The following DCC variants were observed in gnomAD, a reference collection of about 807,000 sequenced individuals.
The protein encoded by DCC is DCC netrin 1 receptor, also known as netrin receptor DCC.
A neutral mutation model predicts 172.5 loss-of-function variants in DCC; 58 were observed. That is an observed-to-expected ratio of 0.34 (90% confidence interval 0.27 to 0.42). DCC has a LOEUF of 0.42. Ranked by LOEUF, DCC falls within the 10% of genes least tolerant of loss-of-function variation. The pLI is 1.00. For missense variants in DCC, 1,740 were observed against 1,791.0 expected, an observed-to-expected ratio of 0.97 and a Z score of 0.51; for synonymous variants, 709 against 644.5, an observed-to-expected ratio of 1.10 and a Z score of -1.52.
chr18:53,433,721 C>T (rs1911769220), intron 21 of DCC, among the ~76,000 whole-genome samples: 1 of 152,148 alleles, frequency 6.6e-6, no homozygotes. Context: ...TGTCAGCCCA[C>T]TAAAATTTTC....
chr18:53,514,545 C>T (rs2144556680), intron 27 of DCC, among the ~76,000 whole-genome samples: 1 of 152,072 alleles, frequency 6.6e-6, no homozygotes, highest in East Asian at 1.9e-4. Flanking sequence ...AATTGATAGA[C>T]CACTAGCATG....
At chr18:52,970,599 A>G (rs1390024612) in intron 5 of DCC, among the ~76,000 whole-genome samples, 1 of 152,192 alleles carries the variant, frequency 6.6e-6, no homozygotes, top group East Asian at 1.9e-4. Context: ...GACTACTCAA[A>G]GCATTGTTAT....
intron 15 of DCC, among the ~76,000 whole-genome samples, chr18:53,384,661 T>C (rs1464421338): frequency 2.0e-5 from 3 of 152,132 alleles, no homozygotes; most frequent in Non-Finnish European, 2.9e-5. Context: ...TTTATGTTAC[T>C]TTTTCATATC....
intron 1 of DCC, among the ~76,000 whole-genome samples, chr18:52,502,569 G>C (rs2031067153): frequency 6.6e-6 from 1 of 152,160 alleles, no homozygotes; most frequent in African/African-American, 2.4e-5. Context: ...TGAACATCTA[G>C]AATTGATCCT....
At chr18:52,868,053 ATGTGTGTGTG>A (rs1555675518) in intron 2 of DCC, among the ~76,000 whole-genome samples, 23 of 144,342 alleles carry the variant, frequency 1.6e-4, no homozygotes, top group Admixed American at 3.5e-4. Context: ...ATATATATAT[ATGTGTGTGTG>A]TGTGTGTGTG....
intron 1 of DCC, among the ~76,000 whole-genome samples, chr18:52,540,815 T>C (rs1342808691): frequency 6.6e-5 from 10 of 151,932 alleles, no homozygotes; most frequent in East Asian, 1.9e-4. Flanking sequence ...ACTGTGTTAG[T>C]CAGGATGGTC....
chr18:52,486,901 T>C (rs2030251714), intron 1 of DCC, among the ~76,000 whole-genome samples: 1 of 152,134 alleles, frequency 6.6e-6, no homozygotes, highest in Non-Finnish European at 1.5e-5. Flanking sequence ...ATTCACTATC[T>C]CTCAAACATA....
chr18:53,222,061 A>T (rs1840046482), intron 12 of DCC, among the ~76,000 whole-genome samples: 1 of 152,208 alleles, frequency 6.6e-6, no homozygotes, highest in Non-Finnish European at 1.5e-5. Flanking sequence ...TGCTAAATTG[A>T]TTCTTAGACT....
Position 53,333,781 on chromosome 18 carries a change from A to C in DCC, c.2165-5932A>C, listed in dbSNP as rs532427204. Among the ~76,000 whole-genome samples the C allele has an allele frequency of 3.7e-4, 57 of 152,320 alleles. 1 individual carries two copies. The highest frequency in any genetic ancestry group is 5.9e-4 in the Admixed American group (9 of 15,302). On this transcript the variant is annotated intron_variant, in intron 14 of 28. Coordinates refer to ENST00000442544, the MANE Select transcript of DCC (RefSeq NM_005215.4). ...AGTTTTCTATATACATGCTCACACT[A>C]TATCTGTATTCATACACATTTATTT... is the stretch of plus-strand genomic sequence containing the variant.
chr18:52,668,139 C>T (rs532588715), intron 1 of DCC, among the ~76,000 whole-genome samples: 48 of 151,976 alleles, frequency 3.2e-4, no homozygotes, highest in Non-Finnish European at 1.6e-4. Flanking sequence ...GAGATATTTG[C>T]ATTAATTGAA....
At chr18:53,080,998 G>T (rs1568290600) in intron 7 of DCC, among the ~76,000 whole-genome samples, 1 of 152,046 alleles carries the variant, frequency 6.6e-6, no homozygotes, top group African/African-American at 2.4e-5. Context: ...TTGGAATAAT[G>T]AGTTAAAGGG....
At chr18:52,905,817 T>C (rs1156965737) in intron 2 of DCC, among the ~76,000 whole-genome samples, 1 of 152,188 alleles carries the variant, frequency 6.6e-6, no homozygotes, top group Non-Finnish European at 1.5e-5. Context: ...TACCAATAAA[T>C]AAGCTTCTAG....
Position 52,975,535 on chromosome 18 carries a change from C to T in DCC, c.985+50165C>T, listed in dbSNP as rs148326574. 1.6e-3 allele frequency among the ~76,000 whole-genome samples: 251 copies of T among 152,208 alleles called. 3 individuals are homozygous for T. The Middle Eastern group carries it at 0.02, about 12-fold the overall frequency. On this transcript the variant is annotated intron_variant, in intron 5 of 28. Coordinates refer to ENST00000442544, the MANE Select transcript of DCC (RefSeq NM_005215.4). Reference sequence around the variant, plus strand: ...CCACCTTCCACCCTCTGATAGGCCCCAGTGTGTGTTTTCCCTTTGATGTGT... The same window carrying T: ...CCACCTTCCACCCTCTGATAGGCCCTAGTGTGTGTTTTCCCTTTGATGTGT...
At chr18:52,766,736 G>T (rs145380537) in intron 2 of DCC, among the ~76,000 whole-genome samples, 1 of 151,944 alleles carries the variant, frequency 6.6e-6, no homozygotes, top group Non-Finnish European at 1.5e-5. Flanking sequence ...GATGAGATGC[G>T]GTGGGGCCAT....
chr18:52,400,102 G>A (rs770694769), intron 1 of DCC, among the ~76,000 whole-genome samples: 1 of 151,860 alleles, frequency 6.6e-6, no homozygotes, highest in Non-Finnish European at 1.5e-5. Context: ...CCCATCAATA[G>A]CAATTCATAG....
intron 1 of DCC, among the ~76,000 whole-genome samples, chr18:52,709,392 T>C (rs1283253413): frequency 1.3e-5 from 2 of 152,126 alleles, no homozygotes; most frequent in Non-Finnish European, 2.9e-5. Context: ...CACATTAGGA[T>C]AATAGAGTAG....
At chr18:52,947,865 TGAG>T (rs952207841) in intron 5 of DCC, among the ~76,000 whole-genome samples, 66 of 152,194 alleles carry the variant, frequency 4.3e-4, no homozygotes, top group African/African-American at 1.6e-3. Flanking sequence ...TTTCAAACCT[TGAG>T]GAGAGGACAC....
chr18:52,756,540 C>A (rs1338125250), intron 2 of DCC, among the ~76,000 whole-genome samples: 2 of 152,150 alleles, frequency 1.3e-5, no homozygotes, highest in Non-Finnish European at 2.9e-5. Context: ...CTTTATATCT[C>A]AATAGCCTAC....
In DCC at chr18:53,148,778, A is replaced by G. The variant is rs148899418; in HGVS notation, c.1262-8578A>G. Among the ~76,000 whole-genome samples, 546 of 151,834 alleles carry G rather than the reference A, an allele frequency of 3.6e-3. 2 individuals carry two copies. The highest frequency in any genetic ancestry group is 0.013 in the African/African-American group (528 of 41,356). On this transcript the variant is annotated intron_variant, in intron 7 of 28. Transcript: ENST00000442544. The stretch of plus-strand genomic sequence containing the variant: ...AGTAGAGAAGGATGTACAAGTGACG[A>G]CGTACTTTCCTTCCACAGACGAAGC...
Sources: allele counts gnomAD v4.1 joint callset (sites outside exome capture counted in the v4.1 genomes callset), GRCh38; gene constraint gnomAD v4.1.1; transcripts MANE v1.5; gene names NCBI Gene and HGNC (gene_info 2026-07-23, HGNC 2026-07-21).